PTPRK: variants seen among roughly 807,000 people sequenced by gnomAD.
PTPRK encodes the protein receptor-type tyrosine-protein phosphatase kappa.
PTPRK carries 75 observed loss-of-function variants against 178.0 expected under a neutral mutation model. The observed-to-expected ratio is 0.42, with a 90% CI of 0.35 to 0.51. The LOEUF is 0.51. Among genes scored for constraint, PTPRK ranks in the 20% least tolerant of loss-of-function variants. PTPRK has a pLI of 0.02. For missense variants in PTPRK, 1,441 were observed against 1,797.8 expected (o/e 0.80, Z 3.59); for synonymous variants, 637 against 620.6 (o/e 1.03, Z -0.39).
At chr6:128,298,040 G>A (rs985189381) in intron 3 of PTPRK, among the ~76,000 whole-genome samples, 2 of 151,780 alleles carry the variant, frequency 1.3e-5, no homozygotes, top group African/African-American at 4.9e-5. Flanking sequence ...ATGATAAAGG[G>A]GATATCACCT....
chr6:128,378,350 T>C (rs1190311776), intron 2 of PTPRK, among the ~76,000 whole-genome samples: 1 of 152,054 alleles, frequency 6.6e-6, no homozygotes, highest in Non-Finnish European at 1.5e-5. Flanking sequence ...TATCTGGTCA[T>C]GATTTCATAA....
chr6:128,451,670 T>C (rs967727698), intron 1 of PTPRK, among the ~76,000 whole-genome samples: 1 of 152,142 alleles, frequency 6.6e-6, no homozygotes, highest in Non-Finnish European at 1.5e-5. Flanking sequence ...TTTTATTTCC[T>C]GCAAAAATAC....
At chr6:128,442,844 A>T (rs959555676) in intron 1 of PTPRK, among the ~76,000 whole-genome samples, 1 of 152,214 alleles carries the variant, frequency 6.6e-6, no homozygotes, top group African/African-American at 2.4e-5. Flanking sequence ...GGCTCTAATT[A>T]ACATAGCCAG....
intron 7 of PTPRK, among the ~76,000 whole-genome samples, chr6:128,182,783 T>G (rs1400037378): frequency 6.6e-6 from 1 of 152,172 alleles, no homozygotes; most frequent in African/African-American, 2.4e-5. Context: ...CAATATTATT[T>G]ACATGCAATC....
chr6:128,483,650 C>CATTG lies in PTPRK; in HGVS notation c.100+36605_100+36608dup, dbSNP rs529259012. On this transcript the variant is annotated intron_variant, in intron 1 of 29. Transcript: ENST00000368226. ...CGTTCCCCTAATCTCAGGTCTCAGA[C>CATTG]ATTGCACAATGCATTCAATGTCATT... is the stretch of plus-strand genomic sequence containing the variant. Among the ~76,000 whole-genome samples the CATTG allele has an allele frequency of 8.8e-3, 1,343 of 152,250 alleles. 20 individuals carry two copies. The highest frequency in any genetic ancestry group is 0.039 in the Admixed American group (598 of 15,282).
At chr6:128,294,832 TAA>T (rs1824009905) in intron 3 of PTPRK, among the ~76,000 whole-genome samples, 1 of 152,078 alleles carries the variant, frequency 6.6e-6, no homozygotes, top group South Asian at 2.1e-4. Context: ...TAAATTCAAA[TAA>T]GTTTTATTAA....
intron 7 of PTPRK, among the ~76,000 whole-genome samples, chr6:128,123,873 G>A (rs909073913): frequency 2.0e-5 from 3 of 151,982 alleles, no homozygotes; most frequent in Non-Finnish European, 4.4e-5. Flanking sequence ...GAGTCTATGA[G>A]TTTTGGGGAG....
At chr6:128,024,831 A>G (rs915473620) in intron 13 of PTPRK, among the ~76,000 whole-genome samples, 1 of 152,090 alleles carries the variant, frequency 6.6e-6, no homozygotes, top group Non-Finnish European at 1.5e-5. Flanking sequence ...CAACAACAAC[A>G]ACAAACCAGG....
chr6:127,984,849 G>A (rs2114640884), intron 22 of PTPRK, among the ~76,000 whole-genome samples: 1 of 152,168 alleles, frequency 6.6e-6, no homozygotes, highest in African/African-American at 2.4e-5. Context: ...GGATTGAAAG[G>A]AAGTTTTTTT....
At chr6:128,516,137 T>C (rs1297938789) in intron 1 of PTPRK, among the ~76,000 whole-genome samples, 1 of 152,172 alleles carries the variant, frequency 6.6e-6, no homozygotes, top group East Asian at 1.9e-4. Flanking sequence ...AGGGCTGTGA[T>C]CTTGTGTATA....
chr6:128,167,734 G>A (rs1799627482), intron 7 of PTPRK, among the ~76,000 whole-genome samples: 2 of 151,966 alleles, frequency 1.3e-5, no homozygotes, highest in East Asian at 3.9e-4. Flanking sequence ...GACATTTCAT[G>A]AACTTAATTC....
intron 13 of PTPRK, among the ~76,000 whole-genome samples, chr6:128,051,501 T>G (rs1778990713): frequency 6.6e-6 from 1 of 152,234 alleles, no homozygotes; most frequent in African/African-American, 2.4e-5. Context: ...CTTCTCATCC[T>G]ATTTTATTTG....
chr6:127,970,298 A>G lies in PTPRK; in HGVS notation c.4270-18T>C. On this transcript the variant is annotated intron_variant, in intron 29 of 29. Transcript: ENST00000368226. ...TATTGCTCCTGAAAGATGTCAAAAC[A>G]CAAAGAGTGAGAAAACTTAAGAAAG... The G allele has an allele frequency of 6.2e-7, 1 of 1,603,512 alleles. No individual in the cohort carries two copies.
At chr6:128,131,800 T>G (rs1428476026) in intron 7 of PTPRK, among the ~76,000 whole-genome samples, 1 of 152,216 alleles carries the variant, frequency 6.6e-6, no homozygotes, top group African/African-American at 2.4e-5. Flanking sequence ...GTTTATTTAA[T>G]GTCAAATTAG....
chr6:128,208,562 T>A (rs1224447265), intron 6 of PTPRK, among the ~76,000 whole-genome samples: 2 of 152,150 alleles, frequency 1.3e-5, no homozygotes, highest in East Asian at 3.9e-4. Flanking sequence ...TACATGTGTT[T>A]TTATATGCAG....
intron 6 of PTPRK, among the ~76,000 whole-genome samples, chr6:128,194,822 AT>A (rs1192147765): frequency 6.6e-6 from 1 of 152,220 alleles, no homozygotes; most frequent in Admixed American, 6.5e-5. Flanking sequence ...ATATGCCTAG[AT>A]TATATAGCAC....
chr6:128,103,291 T>G (rs1223628742), intron 7 of PTPRK, among the ~76,000 whole-genome samples: 1 of 152,048 alleles, frequency 6.6e-6, no homozygotes, highest in East Asian at 1.9e-4. Context: ...TACCACTCAA[T>G]AAAACCCCCT....
At chr6:128,406,449 T>G (rs1841668108) in intron 1 of PTPRK, among the ~76,000 whole-genome samples, 1 of 152,186 alleles carries the variant, frequency 6.6e-6, no homozygotes, top group African/African-American at 2.4e-5. Flanking sequence ...TCATTTTCTT[T>G]GGTTAGAATA....
intron 13 of PTPRK, among the ~76,000 whole-genome samples, chr6:128,025,963 A>G (rs1774219741): frequency 6.6e-6 from 1 of 152,214 alleles, no homozygotes; most frequent in Admixed American, 6.5e-5. Flanking sequence ...TTTACAGCTT[A>G]TTGGGATTAG....
Sources: gnomAD v4.1 joint callset for allele counts (sites outside exome capture counted in the v4.1 genomes callset) on GRCh38, gnomAD v4.1.1 for gene constraint, MANE v1.5 for transcripts, NCBI Gene and HGNC (gene_info 2026-07-23, HGNC 2026-07-21) for gene names.